Variants in BICDL1 observed in about 807,000 individuals in gnomAD.
The protein encoded by BICDL1 is BICD family like cargo adaptor 1.
In BICDL1, 20 loss-of-function variants were observed where a neutral mutation model predicts 76.8. The observed-to-expected ratio is 0.26, with a 90% CI of 0.18 to 0.38. The LOEUF (loss-of-function observed/expected upper bound fraction) is 0.38. Ranked by LOEUF, BICDL1 falls within the 10% of genes least tolerant of loss-of-function variation. The pLI, the probability that BICDL1 is intolerant of heterozygous loss-of-function variation, is 1.00. For missense variants in BICDL1, 700 were observed against 798.6 expected, an observed-to-expected ratio of 0.88 and a Z score of 1.49; for synonymous variants, 383 against 337.1, an observed-to-expected ratio of 1.14 and a Z score of -1.49.
At chr12:120,000,595 G>A (rs1048093812) in intron 2 of BICDL1, 1 of 152,084 alleles carries the variant, frequency 6.6e-6, no homozygotes, top group African/African-American at 2.4e-5. Flanking sequence ...AAATTAAAGG[G>A]GAAATTAAGA....
chr12:120,013,439 AGTGTGTGTGTGTGT>A (rs35499277), intron 2 of BICDL1, among the ~76,000 whole-genome samples: 22 of 134,800 alleles, frequency 1.6e-4, no homozygotes, highest in Admixed American at 5.3e-4. Context: ...CTTTAACCAG[AGTGTGTGTGTGTGT>A]GTGTGTGTGT....
In BICDL1 at chr12:120,002,283, G is replaced by T. The variant is rs557149498; in HGVS notation, c.645+3547G>T. Among the ~76,000 whole-genome samples the T allele has an allele frequency of 9.2e-5, 14 of 152,242 alleles. No homozygotes were observed. In the East Asian group the frequency reaches 2.7e-3, roughly 29 times the overall value. On this transcript the variant is annotated intron_variant, in intron 2 of 9. Coordinates refer to ENST00000548673, the MANE Select transcript of BICDL1 (RefSeq NM_001367886.1). The stretch of plus-strand genomic sequence containing the variant: ...TCTCTAAATAAGGTCACATTCTGAG[G>T]TACTGGGTTTTGAACTTCAATATAT...
Position 120,094,063 on chromosome 12 carries a change from A to G in BICDL1, c.*902A>G, listed in dbSNP as rs180951890. ...AGAGGGGTCTGTGGTCAGCCACCCC[A>G]CCTTGAGGGCAGCACAGGCACCACG... On this transcript the variant is annotated 3_prime_UTR_variant, in exon 10 of 10. Coordinates refer to ENST00000548673, the MANE Select transcript of BICDL1 (RefSeq NM_001367886.1). 6 of 390,484 alleles carry G rather than the reference A, an allele frequency of 1.5e-5. No individual in the cohort carries two copies. Among genetic ancestry groups the G allele is most frequent in the Non-Finnish European group, 3.0e-5 (6 of 197,252 alleles). The allele number at this position is 390,484 out of a possible 1,614,324, so 24.2% of individuals were successfully genotyped here. A position where few individuals can be genotyped will look rare whatever the true frequency, so the allele number is the denominator to read the frequency against.
intron 2 of BICDL1, among the ~76,000 whole-genome samples, chr12:120,061,068 C>T (rs1953094876): frequency 6.6e-6 from 1 of 152,210 alleles, no homozygotes; most frequent in Non-Finnish European, 1.5e-5. Flanking sequence ...GGTGAGCCTC[C>T]TGCAACACCA....
chr12:120,089,215 G>C (rs571657932), intron 8 of BICDL1, among the ~76,000 whole-genome samples: 1 of 152,340 alleles, frequency 6.6e-6, no homozygotes, highest in East Asian at 1.9e-4. Flanking sequence ...TATGCTGTGT[G>C]AGGCTTTTGA....
intron 7 of BICDL1, among the ~76,000 whole-genome samples, chr12:120,080,269 G>A (rs976127803): frequency 3.3e-5 from 5 of 152,234 alleles, no homozygotes; most frequent in African/African-American, 1.2e-4. Flanking sequence ...CTGAGAAGGT[G>A]GTGGTGCCCT....
intron 2 of BICDL1, among the ~76,000 whole-genome samples, chr12:120,037,569 A>G (rs1344744246): frequency 3.9e-5 from 6 of 152,172 alleles, no homozygotes; most frequent in Non-Finnish European, 8.8e-5. Flanking sequence ...CAGCAATGAG[A>G]GAGAACTTTA....
intron 2 of BICDL1, among the ~76,000 whole-genome samples, chr12:120,014,341 G>A (rs11064993): frequency 6.6e-6 from 1 of 152,060 alleles, no homozygotes; most frequent in Admixed American, 6.6e-5. Context: ...ATGTAGCATC[G>A]GATTGAGGCA....
intron 2 of BICDL1, among the ~76,000 whole-genome samples, chr12:120,017,891 T>C (rs541269185): frequency 6.6e-6 from 1 of 152,320 alleles, no homozygotes; most frequent in Admixed American, 6.5e-5. Context: ...TTAATAGTAG[T>C]CTGCTTTTCA....
chr12:120,061,625 G>A (rs1214546523), intron 2 of BICDL1, 85 bp from the exon 3 acceptor site: 7 of 915,532 alleles, frequency 7.6e-6, no homozygotes, highest in Non-Finnish European at 1.3e-5. Context: ...AGTGCAAAGA[G>A]ATGCTTGATA....
chr12:120,078,864 C>T (rs1261551605), intron 7 of BICDL1, among the ~76,000 whole-genome samples: 1 of 152,242 alleles, frequency 6.6e-6, no homozygotes, highest in East Asian at 1.9e-4. Flanking sequence ...ACAGCTGGTC[C>T]AAGGCCATGG....
At chr12:120,070,695 T>C (rs1244602095) in intron 4 of BICDL1, among the ~76,000 whole-genome samples, 4 of 152,126 alleles carry the variant, frequency 2.6e-5, no homozygotes, top group African/African-American at 9.7e-5. Flanking sequence ...AGATACAGAT[T>C]AAAATGGGCC....
intron 8 of BICDL1, among the ~76,000 whole-genome samples, chr12:120,086,503 GGGGCCCACT>G (rs1874428117): frequency 6.6e-6 from 1 of 152,106 alleles, no homozygotes; most frequent in Non-Finnish European, 1.5e-5. Context: ...TCAGTTGGGT[GGGGCCCACT>G]TCTTTCCCCC....
At chr12:120,045,917 T>TATAATAATAATAATAATAATAATAATA (rs72097325) in intron 2 of BICDL1, among the ~76,000 whole-genome samples, 113 of 137,690 alleles carry the variant, frequency 8.2e-4, no homozygotes, top group African/African-American at 2.4e-3. Context: ...CTTAAAGTAT[T>TATAATAATAATAATAATAATAATAATA]ATAATAATAA....
intron 2 of BICDL1, among the ~76,000 whole-genome samples, chr12:120,024,460 TA>T (rs958787425): frequency 2.0e-5 from 3 of 152,060 alleles, no homozygotes; most frequent in Non-Finnish European, 4.4e-5. Context: ...CACAGAAAAG[TA>T]AAAAAACATC....
intron 2 of BICDL1, among the ~76,000 whole-genome samples, chr12:120,034,985 T>G (rs1462579104): frequency 6.6e-6 from 1 of 152,242 alleles, no homozygotes; most frequent in Non-Finnish European, 1.5e-5. Context: ...AATTGTGTTA[T>G]GCACAAAGAA....
intron 1 of BICDL1, among the ~76,000 whole-genome samples, chr12:119,996,352 C>T (rs1951645279): frequency 6.6e-6 from 1 of 152,174 alleles, no homozygotes. Context: ...TCAAAAGTCA[C>T]TCAACAAAGT....
At position 119,989,791 on chromosome 12, in the gene BICDL1, C is replaced by A; in HGVS notation, c.-78C>A. 1.7e-6 allele frequency: 1 copy of A among 605,450 alleles called. No individual in the cohort carries two copies. Among genetic ancestry groups the A allele is most frequent in the Non-Finnish European group, 2.1e-6 (1 of 484,612 alleles). The allele number at this position is 605,450 out of a possible 1,614,324, so 37.5% of individuals were successfully genotyped here. ...AGGCGAGGCGCGGGACGCGGGGCGG[C>A]GCGGCAGGGCCCCTCCCCCCTGCAG... On this transcript the variant is annotated 5_prime_UTR_variant, in exon 1 of 10. Coordinates refer to ENST00000548673, the MANE Select transcript of BICDL1 (RefSeq NM_001367886.1).
At chr12:120,018,151 G>A (rs1486340762) in intron 2 of BICDL1, among the ~76,000 whole-genome samples, 1 of 152,144 alleles carries the variant, frequency 6.6e-6, no homozygotes, top group East Asian at 1.9e-4. Flanking sequence ...GCTGGATACC[G>A]ATGTCTGGTC....
Sources: allele counts gnomAD v4.1 joint callset (sites outside exome capture counted in the v4.1 genomes callset), GRCh38; gene constraint gnomAD v4.1.1; transcripts MANE v1.5; gene names NCBI Gene and HGNC (gene_info 2026-07-23, HGNC 2026-07-21).